UGT1A8: variants seen among roughly 807,000 people sequenced by gnomAD.
UGT1A8 encodes UDP glucuronosyltransferase family 1 member A8.
Under a neutral mutation model 45.3 loss-of-function variants are expected in UGT1A8, and 39 were observed. That is an observed-to-expected ratio of 0.86 (90% CI 0.67 to 1.12). The LOEUF (loss-of-function observed/expected upper bound fraction) is 1.12. Among genes scored for constraint, UGT1A8 ranks in the 50% most tolerant of loss-of-function variants. UGT1A8 has a pLI of 0.00. For missense variants in UGT1A8, 719 were observed against 664.9 expected, an observed-to-expected ratio of 1.08 and a Z score of -0.90; for synonymous variants, 275 against 249.2, an observed-to-expected ratio of 1.10 and a Z score of -0.97.
chr2:233,768,138 G>A, intron 3 of UGT1A8, 82 bp from the exon 4 acceptor site: 1 of 1,609,178 alleles, frequency 6.2e-7, no homozygotes, highest in Non-Finnish European at 8.5e-7. Context: ...CTGAGTCTTT[G>A]GAGTGTTTTC....
chr2:233,657,295 G>C (rs2073876813), intron 1 of UGT1A8, among the ~76,000 whole-genome samples: 1 of 152,192 alleles, frequency 6.6e-6, no homozygotes, highest in African/African-American at 2.4e-5. Context: ...CTGGGGCTGG[G>C]TAATGTATAA....
At chr2:233,738,769 T>C (rs1352838892) in intron 1 of UGT1A8, among the ~76,000 whole-genome samples, 4 of 152,188 alleles carry the variant, frequency 2.6e-5, no homozygotes, top group Non-Finnish European at 5.9e-5. Context: ...ACCCATTTTA[T>C]GGGGAGAAAT....
chr2:233,665,244 A>G (rs2125493597), intron 1 of UGT1A8, among the ~76,000 whole-genome samples: 1 of 152,314 alleles, frequency 6.6e-6, no homozygotes, highest in South Asian at 2.1e-4. Flanking sequence ...TTTACTTTGG[A>G]TTTAATGTAG....
chr2:233,671,167 T>C (rs562234182), intron 1 of UGT1A8, among the ~76,000 whole-genome samples: 135 of 152,164 alleles, frequency 8.9e-4, no homozygotes, highest in Non-Finnish European at 1.7e-3. Flanking sequence ...ACTGGAGTGA[T>C]GGCGTGTTTA....
intron 1 of UGT1A8, among the ~76,000 whole-genome samples, chr2:233,722,679 C>T (rs2125688631): frequency 6.6e-6 from 1 of 152,152 alleles, no homozygotes; most frequent in African/African-American, 2.4e-5. Flanking sequence ...GTAAAAATTG[C>T]TGTTCTTTTC....
Position 233,772,333 on chromosome 2 carries a change from T to C in UGT1A8, c.1367T>C (p.Val456Ala). The part of the protein sequence containing the change: ...DRPVEPLDLA[V>A]FWVEFVMRHK... Reference sequence around the variant, plus strand: ...CCGGTGGAGCCGCTGGACCTGGCCGTGTTCTGGGTGGAGTTTGTGATGAGG... The same window carrying C: ...CCGGTGGAGCCGCTGGACCTGGCCGCGTTCTGGGTGGAGTTTGTGATGAGG... The change falls in exon 5 of 5, where the codon GTG becomes GCG. Residue 456 changes from valine (V) to alanine (A), a missense_variant. Physicochemically the swap from Val to Ala is moderately conservative, Grantham distance 64 (BLOSUM62 0). Coordinates refer to ENST00000373450, the MANE Select transcript of UGT1A8 (RefSeq NM_019076.5). 6.2e-7 allele frequency: 1 copy of C among 1,614,126 alleles called. No individual in the cohort carries two copies. Among genetic ancestry groups the C allele is most frequent in the Non-Finnish European group, 8.5e-7 (1 of 1,180,008 alleles).
intron 1 of UGT1A8, among the ~76,000 whole-genome samples, chr2:233,645,723 A>G (rs2073583582): frequency 1.3e-5 from 2 of 152,204 alleles, no homozygotes; most frequent in Non-Finnish European, 2.9e-5. Context: ...GGTCTTAGGC[A>G]GCTCCACCCC....
chr2:233,660,555 C>A (rs1575407644), intron 1 of UGT1A8, among the ~76,000 whole-genome samples: 1 of 152,264 alleles, frequency 6.6e-6, no homozygotes, highest in East Asian at 1.9e-4. Context: ...TGTTCTACAA[C>A]AAAAAGACTG....
chr2:233,754,277 A>C (rs1263233014), intron 1 of UGT1A8: 4 of 191,024 alleles, frequency 2.1e-5, no homozygotes, highest in Admixed American at 1.6e-4. Flanking sequence ...AAGTGCTGAG[A>C]TGAACATTCT....
intron 1 of UGT1A8, chr2:233,682,808 T>C: frequency 6.3e-7 from 1 of 1,594,462 alleles, no homozygotes; most frequent in East Asian, 2.2e-5. Context: ...TTATCTCCCC[T>C]TTAGCACATT....
intron 1 of UGT1A8, among the ~76,000 whole-genome samples, chr2:233,650,899 T>G (rs951864782): frequency 6.6e-6 from 1 of 152,230 alleles, no homozygotes; most frequent in Non-Finnish European, 1.5e-5. Context: ...CATCTATTAC[T>G]TTTTTAGCAA....
chr2:233,634,457 G>T (rs919290089), intron 1 of UGT1A8, among the ~76,000 whole-genome samples: 9 of 152,100 alleles, frequency 5.9e-5, no homozygotes, highest in Non-Finnish European at 1.2e-4. Flanking sequence ...TCTCTTTGTA[G>T]GTCTCTAAGA....
Position 233,750,047 on chromosome 2 carries a change from G to A in UGT1A8, c.856-16987G>A, listed in dbSNP as rs570611446. Among the ~76,000 whole-genome samples the A allele has an allele frequency of 7.3e-4, 111 of 151,986 alleles. 3 individuals are homozygous for A. Among genetic ancestry groups the A allele is most frequent in the Non-Finnish European group, 1.1e-3 (77 of 68,028 alleles). ...CTGCTATAAAGATACTTGAAAATGT[G>A]GAAGTGACTTTGGAACTGGGTAACA... On this transcript the variant is annotated intron_variant, in intron 1 of 4. Transcript: ENST00000373450.
intron 1 of UGT1A8, among the ~76,000 whole-genome samples, chr2:233,702,063 A>T (rs2125588701): frequency 6.6e-6 from 1 of 152,360 alleles, no homozygotes; most frequent in South Asian, 2.1e-4. Context: ...CACTAATTTT[A>T]ATGGTTTTTG....
At chr2:233,720,769 G>A (rs1374980919) in intron 1 of UGT1A8, among the ~76,000 whole-genome samples, 1 of 151,034 alleles carries the variant, frequency 6.6e-6, no homozygotes, top group Non-Finnish European at 1.5e-5. Flanking sequence ...GCAGTGGCCG[G>A]ATCTCCGCTC....
chr2:233,690,405 C>T (rs1397339138), intron 1 of UGT1A8: 2 of 1,185,034 alleles, frequency 1.7e-6, no homozygotes, highest in Non-Finnish European at 1.1e-6. Flanking sequence ...CTATTCCCAA[C>T]ATGAAATTAC....
chr2:233,771,027 G>T (rs186703216), intron 4 of UGT1A8: 5 of 152,078 alleles, frequency 3.3e-5, no homozygotes, highest in Admixed American at 1.3e-4. Flanking sequence ...GAGAGAGTTG[G>T]GGGGGAAGGT....
At chr2:233,642,272 G>T (rs1218449710) in intron 1 of UGT1A8, among the ~76,000 whole-genome samples, 1 of 152,006 alleles carries the variant, frequency 6.6e-6, no homozygotes, top group Non-Finnish European at 1.5e-5. Flanking sequence ...ATTATTTCTT[G>T]TGTTTGGTCC....
chr2:233,672,999 A>C (rs1016056771), intron 1 of UGT1A8, among the ~76,000 whole-genome samples: 3 of 152,210 alleles, frequency 2.0e-5, no homozygotes, highest in Admixed American at 6.5e-5. Flanking sequence ...TAACTTATAA[A>C]ATTGTGGAAC....
Sources: gnomAD v4.1 joint callset for allele counts (sites outside exome capture counted in the v4.1 genomes callset) on GRCh38, gnomAD v4.1.1 for gene constraint, MANE v1.5 for transcripts, NCBI Gene and HGNC (gene_info 2026-07-23, HGNC 2026-07-21) for gene names.